Variants in GPBP1 observed in about 807,000 individuals in gnomAD.
GPBP1 encodes GC-rich promoter binding protein 1.
GPBP1 carries 13 observed loss-of-function variants against 56.5 expected under a neutral mutation model. The ratio of observed to expected loss-of-function variants is 0.23; its 90% CI spans 0.15 to 0.37. The LOEUF (loss-of-function observed/expected upper bound fraction) is 0.37. Ranked by LOEUF, GPBP1 falls within the 10% of genes least tolerant of loss-of-function variation. The pLI is 1.00. For synonymous variants in GPBP1, 204 were observed against 188.9 expected (o/e 1.08, Z -0.66); for missense variants, 477 against 572.3 (o/e 0.83, Z 1.70).
chr5:57,199,922 T>G (rs1754923144), intron 2 of GPBP1, among the ~76,000 whole-genome samples: 1 of 152,026 alleles, frequency 6.6e-6, no homozygotes, highest in South Asian at 2.1e-4. Context: ...ACAGTGGTTT[T>G]TTTTTTTCTT....
intron 10 of GPBP1, among the ~76,000 whole-genome samples, chr5:57,258,288 G>GA: frequency 6.6e-6 from 1 of 152,182 alleles, no homozygotes; most frequent in East Asian, 1.9e-4. Flanking sequence ...TATATTCTGA[G>GA]AAACGTGTCG....
intron 6 of GPBP1, chr5:57,237,044 T>C: frequency 1.8e-6 from 2 of 1,118,292 alleles, no homozygotes; most frequent in South Asian, 2.7e-5. Flanking sequence ...TCAGACACTT[T>C]TGTTAGAACC....
chr5:57,192,337 G>A (rs1754562114), intron 2 of GPBP1, among the ~76,000 whole-genome samples: 1 of 152,080 alleles, frequency 6.6e-6, no homozygotes, highest in African/African-American at 2.4e-5. Flanking sequence ...TCTGTTTGGG[G>A]ATAGCGCTAG....
rs527694519 is a variant in GPBP1, at chr5:57,187,408, CTT to C, written c.-58+11009_-58+11010del. Among the ~76,000 whole-genome samples the C allele has an allele frequency of 1.7e-3, 260 of 152,252 alleles. 3 individuals carry two copies. The highest frequency in any genetic ancestry group is 6.1e-3 in the African/African-American group (252 of 41,562). On this transcript the variant is annotated intron_variant, in intron 2 of 11. Coordinates refer to ENST00000506184, the MANE Select transcript of GPBP1 (RefSeq NM_022913.4). ...AACAGTGGATTTGGGACTCTTCTCTCTTGAGTGCTAATTATGTGCTAGAGATT... is the reference window on the plus strand; with the variant it reads ...AACAGTGGATTTGGGACTCTTCTCTCGAGTGCTAATTATGTGCTAGAGATT...
chr5:57,203,021 T>A (rs1177907660), intron 2 of GPBP1, among the ~76,000 whole-genome samples: 2 of 152,208 alleles, frequency 1.3e-5, no homozygotes, highest in Admixed American at 1.3e-4. Context: ...GAAATTTGTT[T>A]ACCTTATGGA....
chr5:57,208,918 G>C (rs1368506758), intron 2 of GPBP1, among the ~76,000 whole-genome samples: 2 of 152,110 alleles, frequency 1.3e-5, no homozygotes, highest in African/African-American at 4.8e-5. Flanking sequence ...GCCTCCCAAA[G>C]TGCTGGGATT....
rs371956838 is a variant in GPBP1 at position 57,230,884 on chromosome 5, A to G, written c.102A>G (p.Ala34=). ...TTGAGAAGCATTCTGAAAACTTTGC[A>G]TGGACAGAGAATCGTTATGATGTGA... The part of the protein sequence containing the change: ...LNFEKHSENF[A]WTENRYDVNR... Residue 34 remains alanine (A), a synonymous_variant, in exon 4 of 12, where the codon GCA becomes GCG. Transcript: ENST00000506184. 6.2e-6 allele frequency: 10 copies of G among 1,610,912 alleles called. No individual in the cohort carries two copies. In the South Asian group the frequency reaches 6.7e-5, roughly 11 times the overall value.
chr5:57,261,603 G>C (rs1311988745), intron 11 of GPBP1, among the ~76,000 whole-genome samples: 1 of 152,138 alleles, frequency 6.6e-6, no homozygotes, highest in Non-Finnish European at 1.5e-5. Flanking sequence ...CAATAGTTAG[G>C]AATTAGTGTA....
chr5:57,199,317 T>G (rs1427172477), intron 2 of GPBP1, among the ~76,000 whole-genome samples: 1 of 152,176 alleles, frequency 6.6e-6, no homozygotes, highest in Non-Finnish European at 1.5e-5. Flanking sequence ...TTTTATATTA[T>G]TAGTGTTAGA....
intron 3 of GPBP1, among the ~76,000 whole-genome samples, chr5:57,228,183 G>T (rs111324070): frequency 6.6e-6 from 1 of 152,132 alleles, no homozygotes; most frequent in African/African-American, 2.4e-5. Context: ...CTAGCTGGGC[G>T]TGGTGGCTTA....
At chr5:57,205,019 T>C (rs966130672) in intron 2 of GPBP1, among the ~76,000 whole-genome samples, 2 of 152,176 alleles carry the variant, frequency 1.3e-5, no homozygotes, top group African/African-American at 4.8e-5. Context: ...ATTTAGTACA[T>C]TCATAGTGTT....
chr5:57,201,899 A>G (rs80345314), intron 2 of GPBP1, among the ~76,000 whole-genome samples: 1,976 of 152,246 alleles, frequency 0.013, 42 homozygotes, highest in African/African-American at 0.044. Context: ...CTGGGTTCAC[A>G]TTACCTAGTT....
chr5:57,177,228 TGAGA>T (rs756374498), intron 2 of GPBP1, among the ~76,000 whole-genome samples: 9 of 152,096 alleles, frequency 5.9e-5, no homozygotes, highest in Non-Finnish European at 1.2e-4. Context: ...TTTTGACAGG[TGAGA>T]GAGTTATCGT....
chr5:57,210,429 A>G (rs1250977316), intron 2 of GPBP1, among the ~76,000 whole-genome samples: 1 of 152,184 alleles, frequency 6.6e-6, no homozygotes, highest in Non-Finnish European at 1.5e-5. Context: ...GATTTCTTAA[A>G]AAAAATTTTT....
chr5:57,244,896 G>A (rs984813039), intron 6 of GPBP1, among the ~76,000 whole-genome samples: 25 of 151,826 alleles, frequency 1.6e-4, no homozygotes, highest in Non-Finnish European at 3.4e-4. Context: ...AACACGCCCC[G>A]CTAATTCCTT....
At chr5:57,258,479 T>A (rs1004493434) in intron 10 of GPBP1, among the ~76,000 whole-genome samples, 1 of 152,224 alleles carries the variant, frequency 6.6e-6, no homozygotes, top group Non-Finnish European at 1.5e-5. Flanking sequence ...TGGTATGTAT[T>A]TGTATATCTA....
At chr5:57,229,481 C>CTAGAG (rs1756347428) in intron 3 of GPBP1, among the ~76,000 whole-genome samples, 1 of 143,654 alleles carries the variant, frequency 7.0e-6, no homozygotes, top group South Asian at 2.3e-4. Context: ...GCTCTATTTT[C>CTAGAG]CTTTCCTTTC....
intron 2 of GPBP1, among the ~76,000 whole-genome samples, chr5:57,205,582 CT>C (rs56406653): frequency 0.027 from 3,784 of 138,136 alleles, 79 homozygotes; most frequent in African/African-American, 0.055. Context: ...TTTATTTCCT[CT>C]TTTTTTTTTT....
chr5:57,183,702 T>C (rs1030177361), intron 2 of GPBP1, among the ~76,000 whole-genome samples: 21 of 152,198 alleles, frequency 1.4e-4, no homozygotes, highest in Admixed American at 6.5e-5. Flanking sequence ...GTCTATGTTT[T>C]TGTATTAAAA....
Sources: gnomAD v4.1 joint callset for allele counts (sites outside exome capture counted in the v4.1 genomes callset) on GRCh38, gnomAD v4.1.1 for gene constraint, MANE v1.5 for transcripts, NCBI Gene and HGNC (gene_info 2026-07-23, HGNC 2026-07-21) for gene names.